The following NPAS2 variants were observed in gnomAD, a reference collection of about 807,000 sequenced individuals.
The protein encoded by NPAS2 is neuronal PAS domain-containing protein 2.
Under a neutral mutation model 107.5 loss-of-function variants are expected in NPAS2, and 23 were observed. The observed-to-expected ratio is 0.21, with a 90% CI of 0.15 to 0.30. NPAS2 has a LOEUF of 0.30. Ranked by LOEUF, NPAS2 falls within the 10% of genes least tolerant of loss-of-function variation. The pLI, the probability that NPAS2 is intolerant of heterozygous loss-of-function variation, is 1.00. For synonymous variants in NPAS2, 403 were observed against 417.5 expected (o/e 0.97, Z 0.42); for missense variants, 756 against 1,043.3 (o/e 0.72, Z 3.79).
chr2:100,910,903 G>A (rs991049960), intron 2 of NPAS2, among the ~76,000 whole-genome samples: 1 of 152,194 alleles, frequency 6.6e-6, no homozygotes, highest in Admixed American at 6.5e-5. Flanking sequence ...GCCTCAGCAT[G>A]CAGGGATGCT....
intron 6 of NPAS2, 105 bp from the exon 7 acceptor site, chr2:100,949,262 T>C (rs764023515): frequency 2.8e-6 from 2 of 724,670 alleles, no homozygotes; most frequent in Non-Finnish European, 4.9e-6. Flanking sequence ...AGCCTGGCCA[T>C]GTGTAGACTA....
chr2:100,853,149 T>A (rs1678317131), intron 1 of NPAS2, among the ~76,000 whole-genome samples: 1 of 152,106 alleles, frequency 6.6e-6, no homozygotes, highest in Non-Finnish European at 1.5e-5. Context: ...GTGACTACAG[T>A]GAATAAATTG....
intron 1 of NPAS2, among the ~76,000 whole-genome samples, chr2:100,875,314 T>C (rs1271882594): frequency 2.0e-5 from 3 of 152,198 alleles, no homozygotes; most frequent in Admixed American, 6.5e-5. Context: ...GTTTAGTGGG[T>C]GCAGTTTCTG....
chr2:100,909,590 T>C (rs1324151206), intron 2 of NPAS2, among the ~76,000 whole-genome samples: 1 of 152,198 alleles, frequency 6.6e-6, no homozygotes, highest in Non-Finnish European at 1.5e-5. Flanking sequence ...CATTGGACAG[T>C]GGGCTGATGC....
At chr2:100,850,141 A>T (rs1461099778) in intron 1 of NPAS2, among the ~76,000 whole-genome samples, 1 of 152,158 alleles carries the variant, frequency 6.6e-6, no homozygotes, top group African/African-American at 2.4e-5. Context: ...AGTTAAACTC[A>T]TATACTTCAT....
At chr2:100,823,087 T>C (rs1411535784) in intron 1 of NPAS2, among the ~76,000 whole-genome samples, 1 of 152,086 alleles carries the variant, frequency 6.6e-6, no homozygotes, top group Non-Finnish European at 1.5e-5. Context: ...GCTCAGTAAA[T>C]AGGTGTGGGA....
chr2:100,845,782 A>G (rs73967682), intron 1 of NPAS2, among the ~76,000 whole-genome samples: 1 of 152,182 alleles, frequency 6.6e-6, no homozygotes, highest in South Asian at 2.1e-4. Context: ...ATTTTAGCCC[A>G]TTTTTGGTAG....
At position 100,974,242 on chromosome 2, in the gene NPAS2, A is replaced by G. The variant is rs1355734091; in HGVS notation, c.1141-561A>G. Among the ~76,000 whole-genome samples, 3 of 152,284 alleles carry G rather than the reference A, an allele frequency of 2.0e-5. No homozygotes were observed. The East Asian group carries it at 5.8e-4, about 29-fold the overall frequency. On this transcript the variant is annotated intron_variant, in intron 12 of 20. Transcript: ENST00000335681. The stretch of plus-strand genomic sequence containing the variant: ...ACTGTCACAGCTGCTTTCTCGTCAC[A>G]CTGTATTTGAAGCAGAGACATCCTG...
At chr2:100,830,981 T>C (rs2104362463) in intron 1 of NPAS2, among the ~76,000 whole-genome samples, 1 of 152,186 alleles carries the variant, frequency 6.6e-6, no homozygotes, top group East Asian at 1.9e-4. Context: ...GGGAAGCCAG[T>C]CTGGCTGCTA....
At chr2:100,975,724 T>C (rs1676946085) in intron 14 of NPAS2, 157 bp downstream of exon 14, 1 of 524,242 alleles carries the variant, frequency 1.9e-6, no homozygotes, top group Admixed American at 4.2e-5. Flanking sequence ...AGTAATTTAA[T>C]TGGCAACTAA....
At chr2:100,950,359 A>C (rs762074400) in intron 7 of NPAS2, among the ~76,000 whole-genome samples, 1 of 152,236 alleles carries the variant, frequency 6.6e-6, no homozygotes, top group Non-Finnish European at 1.5e-5. Context: ...AAAGGAAACA[A>C]AAACAGAAAG....
In NPAS2 at chr2:100,925,307, C is replaced by G. The variant is rs1355186646; in HGVS notation, c.181+13C>G. ...CAGAAACACAATGGTAAAGGTCACC[C>G]TTCTCTCTGTTTTTTTTCCACCCTG... On this transcript the variant is annotated intron_variant, in intron 3 of 20. Transcript: ENST00000335681. 2 of 1,613,090 alleles carry G rather than the reference C, an allele frequency of 1.2e-6. No individual in the cohort carries two copies. Among genetic ancestry groups the G allele is most frequent in the African/African-American group, 2.7e-5 (2 of 75,016 alleles).
chr2:100,891,325 G>A (rs17700031), intron 1 of NPAS2, among the ~76,000 whole-genome samples: 29,799 of 151,640 alleles, frequency 0.2, 3,869 homozygotes, highest in Non-Finnish European at 0.28. Flanking sequence ...CATTGGACAC[G>A]CATGACCACG....
At chr2:100,928,680 C>T (rs1306879985) in intron 3 of NPAS2, among the ~76,000 whole-genome samples, 2 of 152,178 alleles carry the variant, frequency 1.3e-5, no homozygotes, top group African/African-American at 2.4e-5. Flanking sequence ...ATTCATGGTA[C>T]GTTTTTTGGG....
intron 10 of NPAS2, among the ~76,000 whole-genome samples, chr2:100,967,295 C>T (rs937492269): frequency 7.3e-6 from 1 of 136,310 alleles, no homozygotes; most frequent in African/African-American, 2.8e-5. Context: ...CACCCAGTCT[C>T]GGCTCGCTGC....
intron 5 of NPAS2, among the ~76,000 whole-genome samples, chr2:100,944,521 CCATAATTGCTATTATTTTAATAAA>C (rs763088110): frequency 6.6e-6 from 1 of 152,100 alleles, no homozygotes; most frequent in Non-Finnish European, 1.5e-5. Flanking sequence ...TCCCTTGTCT[CCATAATTGCTATTATTTTAATAAA>C]CAGAACTCAG....
At chr2:100,911,684 T>C (rs1283908934) in intron 2 of NPAS2, among the ~76,000 whole-genome samples, 1 of 152,016 alleles carries the variant, frequency 6.6e-6, no homozygotes, top group African/African-American at 2.4e-5. Context: ...CAGGCTGGAG[T>C]GCAGTGGCAC....
chr2:100,960,099 G>T (rs1156380161), intron 7 of NPAS2, among the ~76,000 whole-genome samples: 1 of 152,128 alleles, frequency 6.6e-6, no homozygotes, highest in Non-Finnish European at 1.5e-5. Flanking sequence ...AACCTTGGGT[G>T]CTTCCAAATG....
At chr2:100,843,777 G>T (rs1677595591) in intron 1 of NPAS2, among the ~76,000 whole-genome samples, 1 of 152,062 alleles carries the variant, frequency 6.6e-6, no homozygotes. Flanking sequence ...AAAGGAAAAT[G>T]GATGAGGTTT....
Sources: allele counts gnomAD v4.1 joint callset (sites outside exome capture counted in the v4.1 genomes callset), GRCh38; gene constraint gnomAD v4.1.1; transcripts MANE v1.5; gene names NCBI Gene and HGNC (gene_info 2026-07-23, HGNC 2026-07-21).